Variants in RASA3 observed in about 807,000 individuals in gnomAD.
RASA3 encodes the protein RAS p21 protein activator 3.
A neutral mutation model predicts 110.0 loss-of-function variants in RASA3; 73 were observed. That is an observed-to-expected ratio of 0.66 (90% confidence interval 0.55 to 0.81). The LOEUF (loss-of-function observed/expected upper bound fraction) is 0.81, where lower values mean the gene tolerates loss of function less well. Ranked by LOEUF, RASA3 falls within the 30% of genes least tolerant of loss-of-function variation. The pLI is 0.00. For missense variants in RASA3, 976 were observed against 1,113.2 expected, an observed-to-expected ratio of 0.88 and a Z score of 1.75; for synonymous variants, 500 against 451.4, an observed-to-expected ratio of 1.11 and a Z score of -1.37.
At chr13:114,109,701 T>C (rs1195313522) in intron 1 of RASA3, among the ~76,000 whole-genome samples, 2 of 152,306 alleles carry the variant, frequency 1.3e-5, no homozygotes, top group East Asian at 3.9e-4. Flanking sequence ...ATCCCGGCTG[T>C]GCACACCTGG....
intron 8 of RASA3, among the ~76,000 whole-genome samples, chr13:114,023,797 T>C (rs1330886534): frequency 2.6e-5 from 4 of 152,160 alleles, no homozygotes; most frequent in Admixed American, 6.5e-5. Flanking sequence ...ACAGGAAACA[T>C]GAACCCAGGA....
intron 1 of RASA3, chr13:114,107,455 G>A (rs2080150042): frequency 6.6e-6 from 1 of 152,558 alleles, no homozygotes; most frequent in Non-Finnish European, 1.5e-5. Context: ...TCCTGCAGGG[G>A]AAGCTGTCTG....
chr13:114,009,466 TAA>T lies in RASA3; in HGVS notation c.1591-4_1591-3del. ...CATGTAGGACTCCTTAAAACTCGCC[TAA>T]AATGAAACGGAGATCACTCGAGGAC... On this transcript the variant is annotated splice_region_variant and splice_polypyrimidine_tract_variant and intron_variant, in intron 16 of 23. Transcript: ENST00000334062. 1 of 1,604,922 alleles carries T rather than the reference TAA, an allele frequency of 6.2e-7. No individual in the cohort carries two copies. The highest frequency in any genetic ancestry group is 1.1e-5 in the South Asian group (1 of 90,882).
At position 114,099,175 on chromosome 13, in the gene RASA3, C is replaced by T. The variant is rs374683870; in HGVS notation, c.56-25338G>A. ...CCCGAGCCCCCCAGACCACAGCAGT[C>T]GGGGCCCGGCCACCCGAGCCCCCCA... On this transcript the variant is annotated intron_variant, in intron 1 of 23. Coordinates refer to ENST00000334062, the MANE Select transcript of RASA3 (RefSeq NM_007368.4). 4.8e-4 allele frequency among the ~76,000 whole-genome samples: 71 copies of T among 149,292 alleles called. 1 individual carries two copies. The highest frequency in any genetic ancestry group is 3.4e-3 in the Middle Eastern group (1 of 290).
chr13:114,043,431 GC>G (rs1253170376), intron 3 of RASA3, among the ~76,000 whole-genome samples: 2 of 152,126 alleles, frequency 1.3e-5, no homozygotes, highest in Non-Finnish European at 2.9e-5. Flanking sequence ...CCTGGGAACA[GC>G]CCTGGAAAAA....
intron 3 of RASA3, among the ~76,000 whole-genome samples, chr13:114,043,892 C>CG (rs1183838752): frequency 7.8e-5 from 1 of 12,746 alleles, no homozygotes; most frequent in Non-Finnish European, 1.3e-4. Flanking sequence ...CTCGCTGAGC[C>CG]CCCCCGCCCC....
intron 1 of RASA3, among the ~76,000 whole-genome samples, chr13:114,130,560 C>T (rs1422563543): frequency 6.6e-6 from 1 of 151,900 alleles, no homozygotes; most frequent in Admixed American, 6.6e-5. Flanking sequence ...GAAGTGGGGC[C>T]GAGTGCCCGC....
In RASA3 at chr13:114,058,935, C is replaced by T. The variant is rs562545735; in HGVS notation, c.174-6780G>A. Among the ~76,000 whole-genome samples the T allele has an allele frequency of 7.2e-5, 11 of 152,328 alleles. 1 individual carries two copies. The highest frequency in any genetic ancestry group is 3.4e-3 in the Middle Eastern group (1 of 294). On this transcript the variant is annotated intron_variant, in intron 2 of 23. Coordinates refer to ENST00000334062, the MANE Select transcript of RASA3 (RefSeq NM_007368.4). ...CATCCAGGCCAGATGCAGTGGCTCA[C>T]GCCTGTAATCCCAGCACTTTGGGAG...
At position 113,996,492 on chromosome 13, in the gene RASA3, T is replaced by C. The variant is rs775697142; in HGVS notation, c.2141+39A>G. On this transcript the variant is annotated intron_variant, in intron 21 of 23. Coordinates refer to ENST00000334062, the MANE Select transcript of RASA3 (RefSeq NM_007368.4). ...TACTCAGCCCCTTGGCCACATTTCC[T>C]GCACAGTGCACGAGCTGGGCACCGA... 12 of 1,584,776 alleles carry C rather than the reference T, an allele frequency of 7.6e-6. 1 individual carries two copies. In the South Asian group the frequency reaches 1.4e-4, roughly 18 times the overall value.
chr13:114,109,707 C>G (rs1012249321), intron 1 of RASA3, among the ~76,000 whole-genome samples: 1 of 152,236 alleles, frequency 6.6e-6, no homozygotes, highest in Non-Finnish European at 1.5e-5. Flanking sequence ...GCTGTGCACA[C>G]CTGGAGACCA....
intron 2 of RASA3, among the ~76,000 whole-genome samples, chr13:114,071,736 A>C (rs373702595): frequency 1.8e-4 from 27 of 152,278 alleles, no homozygotes; most frequent in African/African-American, 5.8e-4. Flanking sequence ...CTCGGCCTGG[A>C]GGGCAGCTGC....
At position 114,078,998 on chromosome 13, in the gene RASA3, C is replaced by T. The variant is rs376373698; in HGVS notation, c.56-5161G>A. Reference sequence around the variant, plus strand: ...AGGCATCCTGGGGAGGGCCCTCAGGCGGGGCTGGCCTCATGTACTGCTCAA... The same window carrying T: ...AGGCATCCTGGGGAGGGCCCTCAGGTGGGGCTGGCCTCATGTACTGCTCAA... On this transcript the variant is annotated intron_variant, in intron 1 of 23. Transcript: ENST00000334062. 3.9e-5 allele frequency among the ~76,000 whole-genome samples: 6 copies of T among 152,350 alleles called. No homozygotes were observed. In the East Asian group the frequency reaches 7.7e-4, roughly 20 times the overall value.
At chr13:114,127,374 T>G (rs1227090536) in intron 1 of RASA3, among the ~76,000 whole-genome samples, 1 of 152,212 alleles carries the variant, frequency 6.6e-6, no homozygotes, top group Non-Finnish European at 1.5e-5. Context: ...GAAGGCTGGA[T>G]GGGTGGCTGT....
Position 114,116,494 on chromosome 13 carries a change from G to A in RASA3, c.55+15941C>T, listed in dbSNP as rs187966732. On this transcript the variant is annotated intron_variant, in intron 1 of 23. Transcript: ENST00000334062. ...CGGCGCCCGTCAGAGCCATTAAAAC[G>A]TGAGGGAAAACTGCACCTTACGGCA... Among the ~76,000 whole-genome samples the A allele has an allele frequency of 4.6e-5, 7 of 151,732 alleles. No individual in the cohort carries two copies. In the East Asian group the frequency reaches 1.3e-3, roughly 29 times the overall value.
rs186172320 is a variant in RASA3 at position 114,004,822 on chromosome 13, C to T, written c.1742+2711G>A. ...CAATTACCAAAAAGACACCTGCATG[C>T]GTACGTTTACCGCTGAACCACTCAC... On this transcript the variant is annotated intron_variant, in intron 18 of 23. Transcript: ENST00000334062. Among the ~76,000 whole-genome samples the T allele has an allele frequency of 4.2e-3, 639 of 152,296 alleles. 6 individuals are homozygous for T. The highest frequency in any genetic ancestry group is 3.4e-3 in the Non-Finnish European group (233 of 68,030).
At chr13:114,132,293 C>T (rs1335719931) in intron 1 of RASA3, 142 bp downstream of exon 1, 2 of 892,536 alleles carry the variant, frequency 2.2e-6, no homozygotes, top group Non-Finnish European at 3.0e-6. Context: ...GGAGCCGGAC[C>T]AGCCGTTCTC....
intron 2 of RASA3, among the ~76,000 whole-genome samples, chr13:114,055,915 G>A (rs2079237345): frequency 6.6e-6 from 1 of 152,234 alleles, no homozygotes; most frequent in Admixed American, 6.5e-5. Context: ...ATCAAGCTTC[G>A]TTCACCATGG....
intron 1 of RASA3, among the ~76,000 whole-genome samples, chr13:114,093,010 A>C (rs2079905235): frequency 6.6e-6 from 1 of 152,068 alleles, no homozygotes; most frequent in South Asian, 2.1e-4. Context: ...AACCATGTAC[A>C]TGTTAACTCT....
intron 22 of RASA3, among the ~76,000 whole-genome samples, chr13:113,989,011 A>C (rs1342041875): frequency 7.2e-6 from 1 of 138,368 alleles, no homozygotes; most frequent in Non-Finnish European, 1.5e-5. Flanking sequence ...CCATCCACCC[A>C]TCACTCACCC....
Sources: gnomAD v4.1 joint callset for allele counts (sites outside exome capture counted in the v4.1 genomes callset) on GRCh38, gnomAD v4.1.1 for gene constraint, MANE v1.5 for transcripts, NCBI Gene and HGNC (gene_info 2026-07-23, HGNC 2026-07-21) for gene names.